EML1: variants seen among roughly 807,000 people sequenced by gnomAD.
EML1 encodes the protein EMAP like 1, also known as echinoderm microtubule-associated protein-like 1.
Under a neutral mutation model 110.4 loss-of-function variants are expected in EML1, and 27 were observed. That is an observed-to-expected ratio of 0.24 (90% confidence interval 0.18 to 0.34). The LOEUF is 0.34. Among genes scored for constraint, EML1 ranks in the 10% least tolerant of loss-of-function variants. The pLI is 1.00. For synonymous variants in EML1, 344 were observed against 385.8 expected (o/e 0.89, Z 1.27); for missense variants, 741 against 1,030.9 (o/e 0.72, Z 3.85).
intron 3 of EML1, among the ~76,000 whole-genome samples, chr14:99,873,560 T>C (rs2059240047): frequency 6.6e-6 from 1 of 152,246 alleles, no homozygotes; most frequent in Non-Finnish European, 1.5e-5. Flanking sequence ...TATTGTCCTG[T>C]TGAACAAAGG....
At chr14:99,831,011 T>C (rs1205426107) in intron 1 of EML1, among the ~76,000 whole-genome samples, 1 of 152,204 alleles carries the variant, frequency 6.6e-6, no homozygotes, top group East Asian at 1.9e-4. Flanking sequence ...AAGAATACTG[T>C]CCTGTGTCAT....
At chr14:99,782,578 C>T (rs534954002) in intron 1 of EML1, among the ~76,000 whole-genome samples, 34 of 152,182 alleles carry the variant, frequency 2.2e-4, no homozygotes, top group African/African-American at 6.7e-4. Flanking sequence ...GATGAAGAAC[C>T]GGTGACCAAG....
intron 1 of EML1, among the ~76,000 whole-genome samples, chr14:99,764,754 T>C (rs2057350414): frequency 6.6e-6 from 1 of 152,174 alleles, no homozygotes; most frequent in Non-Finnish European, 1.5e-5. Flanking sequence ...CACAGGAGCT[T>C]GGAGCAGGAT....
chr14:99,793,050 C>T, upstream of EML1: 1 of 151,938 alleles, frequency 6.6e-6, no homozygotes, highest in South Asian at 2.0e-4. Context: ...TTTGTCCCCG[C>T]GCCCCCGCAA....
chr14:99,787,962 T>C, intron 1 of EML1, among the ~76,000 whole-genome samples: 1 of 152,158 alleles, frequency 6.6e-6, no homozygotes, highest in Non-Finnish European at 1.5e-5. Flanking sequence ...AACAGATGAA[T>C]TTTTGCAGGG....
chr14:99,926,158 T>A (rs1435289675), intron 17 of EML1, among the ~76,000 whole-genome samples: 1 of 152,164 alleles, frequency 6.6e-6, no homozygotes, highest in Non-Finnish European at 1.5e-5. Context: ...ATTTACAGAG[T>A]CTGGAAATGG....
rs368738294 is a variant in EML1 at position 99,860,575 on chromosome 14, A to G, written c.251-4939A>G. ...AGCTTTCTTCCTTGAGTGGCTAATA[A>G]TTTTTATACATGGTAATGTGAAAGA... On this transcript the variant is annotated intron_variant, in intron 2 of 21. Coordinates refer to ENST00000262233, the MANE Select transcript of EML1 (RefSeq NM_004434.3). Among the ~76,000 whole-genome samples the G allele has an allele frequency of 2.1e-4, 32 of 152,266 alleles. No homozygotes were observed. In the East Asian group the frequency reaches 5.8e-3, roughly 28 times the overall value.
chr14:99,926,727 G>A (rs1183498273), intron 17 of EML1, among the ~76,000 whole-genome samples: 1 of 151,714 alleles, frequency 6.6e-6, no homozygotes, highest in Admixed American at 6.6e-5. Context: ...CTACAGGCGT[G>A]TGCCACTGCA....
chr14:99,743,186 G>A (rs1478082524), intron 1 of EML1, among the ~76,000 whole-genome samples: 4 of 152,190 alleles, frequency 2.6e-5, no homozygotes, highest in East Asian at 3.9e-4. Context: ...GTCACCCAGC[G>A]AGGGCATGGT....
intron 1 of EML1, among the ~76,000 whole-genome samples, chr14:99,850,560 G>A (rs944922013): frequency 6.6e-5 from 10 of 152,022 alleles, no homozygotes; most frequent in Admixed American, 5.2e-4. Flanking sequence ...AAGGTTCTCC[G>A]GTATCGCTGA....
Position 99,784,976 on chromosome 14 carries a change from A to G in EML1, c.-27+10963A>G, listed in dbSNP as rs1011252986. On this transcript the variant is annotated intron_variant, in intron 1 of 22. Transcript: ENST00000327921. This position sits in a 1 kb window ranked among gnomAD's most constrained non-coding sequence, Gnocchi z 4.5. ...TGACAGGGGCCAAAGAACTGGAAGA[A>G]CTAGAGGAGCCATGAAGGACCCTGA... 6.6e-6 allele frequency among the ~76,000 whole-genome samples: 1 copy of G among 152,216 alleles called. No individual in the cohort carries two copies. Among genetic ancestry groups the G allele is most frequent in the African/African-American group, 2.4e-5 (1 of 41,460 alleles).
chr14:99,850,678 G>A (rs1186959414), intron 1 of EML1, among the ~76,000 whole-genome samples, 175 bp from the exon 2 acceptor site: 2 of 152,172 alleles, frequency 1.3e-5, no homozygotes, highest in Non-Finnish European at 2.9e-5. Context: ...ATGAAGAGTT[G>A]TAGTTACACA....
intron 4 of EML1, among the ~76,000 whole-genome samples, chr14:99,880,416 C>T (rs371292146): frequency 1.3e-5 from 2 of 152,156 alleles, no homozygotes; most frequent in African/African-American, 2.4e-5. Context: ...TGTATTCCCA[C>T]GTGCGCAGCC....
At chr14:99,907,000 C>G (rs1266890499) in intron 9 of EML1, 1 of 152,494 alleles carries the variant, frequency 6.6e-6, no homozygotes, top group Non-Finnish European at 1.5e-5. Context: ...CTAACAGCCC[C>G]TGTGCCATGC....
chr14:99,838,897 G>A (rs2058582065), intron 1 of EML1: 1 of 144,178 alleles, frequency 6.9e-6, no homozygotes, highest in South Asian at 2.2e-4. Context: ...TTCTGCAAAG[G>A]TTGGGGAGTG....
At chr14:99,914,124 C>A in intron 13 of EML1, 55 bp from the exon 14 acceptor site, 1 of 1,578,446 alleles carries the variant, frequency 6.3e-7, no homozygotes, top group South Asian at 1.1e-5. Flanking sequence ...AATGACTGAG[C>A]TAACAACTGA....
intron 1 of EML1, among the ~76,000 whole-genome samples, chr14:99,835,355 CT>C (rs1202682607): frequency 6.6e-6 from 1 of 152,090 alleles, no homozygotes; most frequent in Non-Finnish European, 1.5e-5. Flanking sequence ...TGTCCTTTCT[CT>C]TTTTTTCCTT....
intron 19 of EML1, among the ~76,000 whole-genome samples, chr14:99,937,175 A>G (rs773468959): frequency 3.3e-4 from 51 of 152,328 alleles, no homozygotes; most frequent in Admixed American, 1.1e-3. Flanking sequence ...CACTGGCGGC[A>G]GGGAAAGCAG....
intron 8 of EML1, among the ~76,000 whole-genome samples, chr14:99,898,764 A>G (rs2059712542): frequency 6.6e-6 from 1 of 152,092 alleles, no homozygotes; most frequent in Admixed American, 6.5e-5. Flanking sequence ...AAAAAAAAAA[A>G]AAAAATACTG....
Sources: gnomAD v4.1 joint callset for allele counts (sites outside exome capture counted in the v4.1 genomes callset) on GRCh38, gnomAD v4.1.1 for gene constraint, Gnocchi (gnomAD v3.1) non-coding constraint, MANE v1.5 for transcripts, NCBI Gene and HGNC (gene_info 2026-07-23, HGNC 2026-07-21) for gene names.